Variants in MYO5C observed in about 807,000 individuals in gnomAD.
MYO5C encodes the protein myosin VC.
In MYO5C, 194 loss-of-function variants were observed where a neutral mutation model predicts 235.7. That is an observed-to-expected ratio of 0.82 (90% CI 0.73 to 0.93). The LOEUF (loss-of-function observed/expected upper bound fraction) is 0.93. MYO5C is among the 40% of genes least tolerant of loss of function. MYO5C has a pLI of 0.00. For synonymous variants in MYO5C, 707 were observed against 754.8 expected (o/e 0.94, Z 1.04); for missense variants, 2,038 against 2,127.2 (o/e 0.96, Z 0.82).
intron 2 of MYO5C, among the ~76,000 whole-genome samples, chr15:52,280,195 A>G (rs1384219899): frequency 6.6e-6 from 1 of 152,202 alleles, no homozygotes; most frequent in African/African-American, 2.4e-5. Flanking sequence ...GGTGACAGAT[A>G]CCTAAAGGAG....
chr15:52,248,643 C>T, intron 14 of MYO5C, 57 bp downstream of exon 14: 6 of 1,179,060 alleles, frequency 5.1e-6, no homozygotes, highest in Non-Finnish European at 7.6e-6. Flanking sequence ...TCCTTATATA[C>T]ATCTAGATCC....
At chr15:52,278,818 C>CA in intron 4 of MYO5C, 55 bp downstream of exon 4, 1 of 1,599,288 alleles carries the variant, frequency 6.3e-7, no homozygotes. Flanking sequence ...GATGGTCTGG[C>CA]AAATGCAGGG....
intron 1 of MYO5C, among the ~76,000 whole-genome samples, chr15:52,287,222 G>A (rs531279707): frequency 3.7e-4 from 57 of 152,148 alleles, no homozygotes; most frequent in Non-Finnish European, 7.1e-4. Flanking sequence ...TTGAGAGAAC[G>A]AGAATGGAAG....
At chr15:52,287,316 T>G (rs139006851) in intron 1 of MYO5C, among the ~76,000 whole-genome samples, 248 of 152,292 alleles carry the variant, frequency 1.6e-3, no homozygotes, top group Middle Eastern at 3.4e-3. Flanking sequence ...CACGCCTGTC[T>G]CAGGCACACA....
chr15:52,234,140 G>A (rs1284134216), intron 23 of MYO5C, among the ~76,000 whole-genome samples: 1 of 152,218 alleles, frequency 6.6e-6, no homozygotes, highest in Non-Finnish European at 1.5e-5. Context: ...ATTTGCAGAT[G>A]CGCTAAAGAA....
intron 36 of MYO5C, among the ~76,000 whole-genome samples, chr15:52,206,181 TC>T (rs927336107): frequency 6.6e-6 from 1 of 152,076 alleles, no homozygotes; most frequent in Admixed American, 6.6e-5. Context: ...CCCACCCACT[TC>T]CCTACAAACA....
intron 30 of MYO5C, 106 bp downstream of exon 30, chr15:52,221,056 C>A: frequency 1.2e-6 from 1 of 816,570 alleles, no homozygotes; most frequent in South Asian, 1.8e-5. Flanking sequence ...GCCCAGCCCC[C>A]TAGAGAACCA....
chr15:52,195,449 CT>C lies in MYO5C; in HGVS notation c.5003del (p.Lys1668ArgfsTer9), dbSNP rs1434512933. 6.2e-7 allele frequency: 1 copy of C among 1,609,676 alleles called. No homozygotes were observed. Among genetic ancestry groups the C allele is most frequent in the Admixed American group, 1.7e-5 (1 of 59,634 alleles). ...CTSLSAVQII[K>X]ILNSYTPIDD... is the part of the protein sequence containing the mutation. The stretch of plus-strand genomic sequence containing the variant: ...CTATAGGTGTGTATGAATTAAGGAT[CT>C]TTATGATCTGCAAACGGTACATAAC... On this transcript the variant is annotated frameshift_variant, in exon 40 of 41. Coordinates refer to ENST00000261839, the MANE Select transcript of MYO5C (RefSeq NM_018728.4). LOFTEE classifies it high-confidence loss of function.
chr15:52,196,507 G>C, intron 38 of MYO5C, 24 bp from the exon 39 acceptor site: 1 of 1,604,164 alleles, frequency 6.2e-7, no homozygotes, highest in African/African-American at 1.3e-5. Context: ...CAGAAGAACA[G>C]AGAATACTTT....
intron 9 of MYO5C, 32 bp from the exon 10 acceptor site, chr15:52,261,159 G>A (rs201111779): frequency 2.7e-5 from 43 of 1,607,014 alleles, no homozygotes; most frequent in Non-Finnish European, 3.7e-5. Flanking sequence ...CCGTCAGGTG[G>A]CCCAGCCATC....
At chr15:52,266,584 T>C (rs976346195) in intron 8 of MYO5C, among the ~76,000 whole-genome samples, 2 of 152,130 alleles carry the variant, frequency 1.3e-5, no homozygotes, top group Non-Finnish European at 2.9e-5. Context: ...TCATGCTCAC[T>C]ACAACCACCC....
chr15:52,235,772 G>A lies in MYO5C; in HGVS notation c.2869-9C>T, dbSNP rs771686437. 1.3e-6 allele frequency: 2 copies of A among 1,594,390 alleles called. No individual in the cohort carries two copies. Among genetic ancestry groups the A allele is most frequent in the East Asian group, 2.2e-5 (1 of 44,582 alleles). ...TGAAGCTTTGCCAATTTCTAGCAGA[G>A]GGAAGGGGGAAAAACAAACTTTTTT... On this transcript the variant is annotated splice_polypyrimidine_tract_variant and intron_variant, in intron 22 of 40. Transcript: ENST00000261839.
At chr15:52,238,096 G>A (rs983987174) in intron 21 of MYO5C, among the ~76,000 whole-genome samples, 11 of 152,182 alleles carry the variant, frequency 7.2e-5, no homozygotes, top group African/African-American at 2.2e-4. Context: ...ACACAGGCAT[G>A]GAGGGAAGAT....
chr15:52,236,466 G>C (rs956291559), intron 22 of MYO5C, among the ~76,000 whole-genome samples: 4 of 152,230 alleles, frequency 2.6e-5, no homozygotes, highest in African/African-American at 9.6e-5. Flanking sequence ...CTGGAGGTCA[G>C]GAGTTCGAGA....
intron 38 of MYO5C, 144 bp downstream of exon 38, chr15:52,204,721 G>T: frequency 9.8e-7 from 1 of 1,020,490 alleles, no homozygotes; most frequent in Non-Finnish European, 1.4e-6. Flanking sequence ...GGGGCTCCTA[G>T]GGTGACTCGA....
chr15:52,236,301 C>T (rs1179747332), intron 22 of MYO5C, among the ~76,000 whole-genome samples: 1 of 152,192 alleles, frequency 6.6e-6, no homozygotes, highest in Non-Finnish European at 1.5e-5. Context: ...TGTTGGTGCA[C>T]CCAGCACCGG....
At chr15:52,240,560 A>G in intron 20 of MYO5C, among the ~76,000 whole-genome samples, 1 of 149,076 alleles carries the variant, frequency 6.7e-6, no homozygotes, top group African/African-American at 2.4e-5. Context: ...AAAAGAAGAA[A>G]AAAGAAAAAA....
intron 29 of MYO5C, 149 bp from the exon 30 acceptor site, chr15:52,221,404 C>T (rs2035682784): frequency 1.7e-6 from 1 of 580,904 alleles, no homozygotes; most frequent in African/African-American, 1.9e-5. Context: ...ACTGGATTAA[C>T]ATTTTTTTTT....
At chr15:52,196,581 A>AG in intron 38 of MYO5C, 98 bp from the exon 39 acceptor site, 8 of 1,128,616 alleles carry the variant, frequency 7.1e-6, no homozygotes, top group Non-Finnish European at 1.0e-5. Flanking sequence ...GAGATCCTTA[A>AG]GACCACAGCT....
Sources: allele counts gnomAD v4.1 joint callset (sites outside exome capture counted in the v4.1 genomes callset), GRCh38; gene constraint gnomAD v4.1.1; transcripts MANE v1.5; gene names NCBI Gene and HGNC (gene_info 2026-07-23, HGNC 2026-07-21).